The following SNX9 variants were observed in gnomAD, a reference collection of about 807,000 sequenced individuals.
The protein encoded by SNX9 is sorting nexin 9.
In SNX9, 44 loss-of-function variants were observed where a neutral mutation model predicts 89.4. The ratio of observed to expected loss-of-function variants is 0.49; its 90% CI spans 0.39 to 0.63. SNX9 has a LOEUF of 0.63. Among genes scored for constraint, SNX9 ranks in the 30% least tolerant of loss-of-function variants. The pLI is 0.00. For missense variants in SNX9, 578 were observed against 736.1 expected, an observed-to-expected ratio of 0.79 and a Z score of 2.49; for synonymous variants, 236 against 247.8, an observed-to-expected ratio of 0.95 and a Z score of 0.45.
chr6:157,864,226 G>A (rs1201275209), intron 1 of SNX9, among the ~76,000 whole-genome samples: 5 of 152,074 alleles, frequency 3.3e-5, no homozygotes, highest in East Asian at 3.9e-4. Context: ...ACGGGTGAGC[G>A]AGAGTAAACC....
chr6:157,887,606 G>A (rs80183373), intron 4 of SNX9, among the ~76,000 whole-genome samples: 4,152 of 152,150 alleles, frequency 0.027, 140 homozygotes, highest in African/African-American at 0.076. Context: ...TCTGTCTCCC[G>A]TATCTCAGGA....
intron 10 of SNX9, among the ~76,000 whole-genome samples, chr6:157,924,225 A>G (rs1452375446): frequency 6.6e-6 from 1 of 151,868 alleles, no homozygotes; most frequent in Non-Finnish European, 1.5e-5. Context: ...ATATGTATGT[A>G]TTATATTTCA....
Position 157,909,897 on chromosome 6 carries a change from T to G in SNX9, c.832-11T>G, listed in dbSNP as rs751275002. On this transcript the variant is annotated splice_polypyrimidine_tract_variant and intron_variant, in intron 8 of 17. Coordinates refer to ENST00000392185, the MANE Select transcript of SNX9 (RefSeq NM_016224.5). ...GCATTGGTAACCTTTTCTCTTTCCC[T>G]TATTTTGTAGAACACTAATCGATCT... 9.3e-6 allele frequency: 15 copies of G among 1,613,182 alleles called. No individual in the cohort carries two copies. Among genetic ancestry groups the G allele is most frequent in the Non-Finnish European group, 1.3e-5 (15 of 1,179,446 alleles).
At chr6:157,846,785 A>G (rs1425999358) in intron 1 of SNX9, among the ~76,000 whole-genome samples, 1 of 152,108 alleles carries the variant, frequency 6.6e-6, no homozygotes, top group Non-Finnish European at 1.5e-5. Context: ...GGTGGCTCAC[A>G]CCTGTAATCC....
At chr6:157,905,587 CT>C (rs1783194156) in intron 6 of SNX9, among the ~76,000 whole-genome samples, 2 of 142,420 alleles carry the variant, frequency 1.4e-5, no homozygotes, top group Admixed American at 1.4e-4. Flanking sequence ...TGGGTCTCTA[CT>C]AAAGAGACTT....
At chr6:157,938,151 G>C (rs1783964045) in intron 15 of SNX9, among the ~76,000 whole-genome samples, 1 of 152,180 alleles carries the variant, frequency 6.6e-6, no homozygotes, top group African/African-American at 2.4e-5. Context: ...TCTTTAAATG[G>C]ATTCAGCGCC....
chr6:157,930,030 G>A (rs576938299), intron 12 of SNX9, among the ~76,000 whole-genome samples: 2 of 152,200 alleles, frequency 1.3e-5, no homozygotes, highest in South Asian at 4.2e-4. Context: ...GTAGAGTTGA[G>A]TAGTTTCAAC....
At chr6:157,856,965 G>A (rs755381519) in intron 1 of SNX9, among the ~76,000 whole-genome samples, 1 of 151,994 alleles carries the variant, frequency 6.6e-6, no homozygotes. Flanking sequence ...TCATTTATCA[G>A]CTGAAATGCT....
intron 1 of SNX9, among the ~76,000 whole-genome samples, chr6:157,858,334 C>G (rs1475804919): frequency 6.6e-6 from 1 of 151,664 alleles, no homozygotes; most frequent in South Asian, 2.1e-4. Context: ...GCAGCCTCCA[C>G]CACCCGGGTT....
chr6:157,901,269 T>C lies in SNX9; in HGVS notation c.473-629T>C, dbSNP rs185930302. Among the ~76,000 whole-genome samples, 12 of 152,256 alleles carry C rather than the reference T, an allele frequency of 7.9e-5. No homozygotes were observed. The East Asian group carries it at 2.1e-3, about 27-fold the overall frequency. On this transcript the variant is annotated intron_variant, in intron 5 of 17. Transcript: ENST00000392185. ...ATTCCATAGCAATAGTTTCAGGGGGTCTCCCTACACCAGCCCATAGGCTAC... is the reference window on the plus strand; with the variant it reads ...ATTCCATAGCAATAGTTTCAGGGGGCCTCCCTACACCAGCCCATAGGCTAC...
At chr6:157,828,257 A>G (rs1040464480) in intron 1 of SNX9, among the ~76,000 whole-genome samples, 1 of 152,220 alleles carries the variant, frequency 6.6e-6, no homozygotes, top group African/African-American at 2.4e-5. Context: ...GACAGTAGAA[A>G]GATGAACAAG....
At chr6:157,935,753 G>A (rs1169206623) in intron 13 of SNX9, among the ~76,000 whole-genome samples, 1 of 152,164 alleles carries the variant, frequency 6.6e-6, no homozygotes, top group African/African-American at 2.4e-5. Context: ...CGGTGAAAGC[G>A]GGTCGGGGTG....
At chr6:157,936,189 G>T in intron 14 of SNX9, 149 bp downstream of exon 14, 1 of 611,000 alleles carries the variant, frequency 1.6e-6, no homozygotes, top group East Asian at 3.1e-5. Flanking sequence ...TTTAATCATG[G>T]TTTCTTAGGT....
At chr6:157,825,585 A>G (rs1300456534) in intron 1 of SNX9, among the ~76,000 whole-genome samples, 2 of 152,220 alleles carry the variant, frequency 1.3e-5, no homozygotes, top group Non-Finnish European at 2.9e-5. Context: ...GGCAAATTCC[A>G]GTAGTTCTGT....
chr6:157,914,736 C>G (rs1783427651), intron 9 of SNX9, among the ~76,000 whole-genome samples: 1 of 152,080 alleles, frequency 6.6e-6, no homozygotes, highest in Non-Finnish European at 1.5e-5. Context: ...CTTCGGCCTC[C>G]CAAAGTGTTG....
chr6:157,926,695 T>A lies in SNX9; in HGVS notation c.1081-416T>A, dbSNP rs539893258. Among the ~76,000 whole-genome samples the A allele has an allele frequency of 1.2e-4, 18 of 150,072 alleles. 1 individual carries two copies. Among genetic ancestry groups the A allele is most frequent in the African/African-American group, 4.2e-4 (17 of 40,700 alleles). On this transcript the variant is annotated intron_variant, in intron 10 of 17. Coordinates refer to ENST00000392185, the MANE Select transcript of SNX9 (RefSeq NM_016224.5). ...TACTTGGGGGCTGAGGTGGGAAGATTGCTTGAACCTGGAAGCTCAAGGATA... is the reference window on the plus strand; with the variant it reads ...TACTTGGGGGCTGAGGTGGGAAGATAGCTTGAACCTGGAAGCTCAAGGATA...
chr6:157,939,425 GT>G (rs1783990874), intron 16 of SNX9, among the ~76,000 whole-genome samples: 1 of 135,194 alleles, frequency 7.4e-6, no homozygotes, highest in Non-Finnish European at 1.6e-5. Context: ...TTAAAAGGGA[GT>G]AAAAAAAAAT....
chr6:157,851,518 C>G (rs1289398209), intron 1 of SNX9, among the ~76,000 whole-genome samples: 1 of 152,180 alleles, frequency 6.6e-6, no homozygotes, highest in African/African-American at 2.4e-5. Context: ...CCTGTAGCCC[C>G]TGGTAACCCC....
chr6:157,937,792 G>A (rs1024120594), intron 15 of SNX9, among the ~76,000 whole-genome samples: 5 of 152,272 alleles, frequency 3.3e-5, no homozygotes, highest in African/African-American at 7.2e-5. Flanking sequence ...GTAGTCTATC[G>A]TATATTATGA....
Sources: allele counts gnomAD v4.1 joint callset (sites outside exome capture counted in the v4.1 genomes callset), GRCh38; gene constraint gnomAD v4.1.1; transcripts MANE v1.5; gene names NCBI Gene and HGNC (gene_info 2026-07-23, HGNC 2026-07-21).